IRGM: variants seen among roughly 807,000 people sequenced by gnomAD.
The protein encoded by IRGM is immunity related GTPase M, also known as immunity-related GTPase family M protein.
For missense variants in IRGM, 288 were observed against 219.9 expected (o/e 1.31, Z -1.96); for synonymous variants, 98 against 80.6 (o/e 1.22, Z -1.16).
In IRGM at chr5:150,848,377, A is replaced by G. The variant is rs999847831; in HGVS notation, c.254A>G (p.Asn85Ser). ...TCCTATTTCTCTTCCCACTTTTCAA[A>G]TGTGGTGTTGTGGGACCTGCCTGGC... ...CASYFSSHFS[N>S]VVLWDLPGTG... Residue 85 changes from asparagine (N) to serine (S), a missense_variant, in exon 2 of 2, where the codon AAT (asparagine) becomes AGT (serine). Asn to Ser is a conservative substitution (Grantham distance 46). Coordinates refer to ENST00000522154, the MANE Select transcript of IRGM (RefSeq NM_001145805.2). The G allele has an allele frequency of 1.3e-6, 2 of 1,551,792 alleles. No individual in the cohort carries two copies. Among genetic ancestry groups the G allele is most frequent in the East Asian group, 2.4e-5 (1 of 41,060 alleles).
At chr5:150,897,801 A>G (rs1754847050) in intron 3 of IRGM, 1 of 411,750 alleles carries the variant, frequency 2.4e-6, no homozygotes, top group Non-Finnish European at 4.3e-6. Flanking sequence ...TTTAAAGCAC[A>G]GCTTGTGTTC....
chr5:150,902,270 G>T (rs1255749431), downstream of IRGM, among the ~76,000 whole-genome samples: 1 of 152,164 alleles, frequency 6.6e-6, no homozygotes, highest in Non-Finnish European at 1.5e-5. Flanking sequence ...TGAAAGCACA[G>T]CAAAAGATAT....
At chr5:150,860,678 C>T (rs1052392914) in intron 1 of IRGM, among the ~76,000 whole-genome samples, 7 of 152,192 alleles carry the variant, frequency 4.6e-5, no homozygotes, top group Non-Finnish European at 8.8e-5. Context: ...TGTGCTGCTC[C>T]CCAGGCTGTG....
At chr5:150,881,590 A>G (rs891764573) in intron 3 of IRGM, among the ~76,000 whole-genome samples, 2 of 152,200 alleles carry the variant, frequency 1.3e-5, no homozygotes, top group Non-Finnish European at 2.9e-5. Context: ...CCCTAATACT[A>G]TCATGGTGGT....
chr5:150,887,146 T>C (rs1253489191), intron 3 of IRGM, among the ~76,000 whole-genome samples: 1 of 151,896 alleles, frequency 6.6e-6, no homozygotes, highest in Non-Finnish European at 1.5e-5. Context: ...ACAAAGATCA[T>C]GAAGATTCAG....
chr5:150,897,903 A>C, intron 3 of IRGM: 1 of 772,576 alleles, frequency 1.3e-6, no homozygotes, highest in Non-Finnish European at 2.0e-6. Context: ...AGACAGGATC[A>C]ACAACAAATA....
intron 1 of IRGM, among the ~76,000 whole-genome samples, chr5:150,856,875 A>G (rs1266595432): frequency 1.4e-5 from 2 of 146,174 alleles, no homozygotes; most frequent in African/African-American, 5.0e-5. Context: ...TTAATTATTA[A>G]TTAATATTAT....
At chr5:150,892,482 T>G (rs1754625458) in intron 3 of IRGM, among the ~76,000 whole-genome samples, 2 of 152,154 alleles carry the variant, frequency 1.3e-5, no homozygotes. Flanking sequence ...AGTTTTGAGA[T>G]CTTCTACATA....
rs184591803 is a variant in IRGM at position 150,890,616 on chromosome 5, A to T, written c.*141-9973A>T. 3.3e-5 allele frequency among the ~76,000 whole-genome samples: 5 copies of T among 152,134 alleles called. No individual in the cohort carries two copies. In the East Asian group the frequency reaches 9.7e-4, roughly 29 times the overall value. ...TTAGCACTTTAAATTTCTCTTTAAG[A>T]ACTACTTTACGGACATTTCACAAAT... On this transcript the variant is annotated intron_variant and NMD_transcript_variant, in intron 3 of 3. Coordinates refer to the IRGM transcript ENST00000520549.
Position 150,846,668 on chromosome 5 carries a change from A to G in IRGM, c.-968A>G, listed in dbSNP as rs34156253. The stretch of plus-strand genomic sequence containing the variant: ...GAAGGTCTGCAGCATCACTCCTGAA[A>G]CCTGTGAAACAACGAACCCCCCGGG... On this transcript the variant is annotated 5_prime_UTR_variant, in exon 1 of 2. Coordinates refer to ENST00000522154, the MANE Select transcript of IRGM (RefSeq NM_001145805.2). The G allele has an allele frequency of 0.21, 31,193 of 151,786 alleles. 5,184 individuals are homozygous for G. The highest frequency in any genetic ancestry group is 0.44 in the African/African-American group (18,177 of 41,224). 9.4% of individuals were successfully genotyped at this position (151,786 alleles called of 1,614,324 possible).
chr5:150,848,196 A>C lies in IRGM; in HGVS notation c.73A>C (p.Thr25Pro), dbSNP rs1438074567. 1.4e-5 allele frequency: 22 copies of C among 1,551,694 alleles called. No individual in the cohort carries two copies. The highest frequency in any genetic ancestry group is 8.7e-7 in the Non-Finnish European group (1 of 1,146,910). The change falls in exon 2 of 2, where the codon ACT becomes CCT. Residue 25 changes from threonine (T) to proline (P), a missense_variant. Thr to Pro is a conservative substitution (Grantham distance 38). Transcript: ENST00000522154. Reference protein sequence around the residue: ...LPEVISNIKETLKIVSRTPVN... With the variant: ...LPEVISNIKEPLKIVSRTPVN... The stretch of plus-strand genomic sequence containing the variant: ...AGAGGTGATCTCTAACATCAAGGAG[A>C]CTCTGAAGATAGTGTCCAGGACACC...
At chr5:150,873,024 T>C (rs1045517553) in intron 1 of IRGM, among the ~76,000 whole-genome samples, 2 of 152,148 alleles carry the variant, frequency 1.3e-5, no homozygotes, top group African/African-American at 2.4e-5. Flanking sequence ...AAAATTTAAA[T>C]GCAATGGGAA....
chr5:150,887,967 T>C (rs1754551341), intron 3 of IRGM, among the ~76,000 whole-genome samples: 1 of 151,954 alleles, frequency 6.6e-6, no homozygotes. Flanking sequence ...TGAATGTAAA[T>C]GGGCTAAGTG....
chr5:150,881,260 C>A (rs2113288258), intron 3 of IRGM, among the ~76,000 whole-genome samples: 2 of 151,784 alleles, frequency 1.3e-5, no homozygotes, highest in South Asian at 4.2e-4. Flanking sequence ...ATTTTGAAAG[C>A]AAGAGAAAAG....
rs578230029 is a variant in IRGM, at chr5:150,886,925, T to A, written c.*140+7279T>A. ...TCCTTCAGTTCAGCTCTGATTTTGG[T>A]TATTTCTTGTCTTTTGATAGCTTTG... On this transcript the variant is annotated intron_variant and NMD_transcript_variant, in intron 3 of 3. Transcript: ENST00000520549. Among the ~76,000 whole-genome samples the A allele has an allele frequency of 7.9e-5, 12 of 152,196 alleles. No individual in the cohort carries two copies. The South Asian group carries it at 1.7e-3, about 21-fold the overall frequency.
At chr5:150,867,018 CT>C (rs1379121299) in intron 1 of IRGM, among the ~76,000 whole-genome samples, 1 of 152,104 alleles carries the variant, frequency 6.6e-6, no homozygotes, top group Non-Finnish European at 1.5e-5. Flanking sequence ...ATCTTTTTCT[CT>C]CTTTTTTAAA....
Position 150,859,682 on chromosome 5 carries a change from C to G in IRGM, c.158+11028C>G, listed in dbSNP as rs562245966. 3.9e-3 allele frequency among the ~76,000 whole-genome samples: 593 copies of G among 152,224 alleles called. 7 individuals are homozygous for G. Among genetic ancestry groups the G allele is most frequent in the African/African-American group, 0.014 (561 of 41,508 alleles). On this transcript the variant is annotated intron_variant and NMD_transcript_variant, in intron 1 of 3. Coordinates refer to the IRGM transcript ENST00000520549. ...AGGATGTATGTGTCCAGGAATTTAT[C>G]CATTTCTTCTAGATTTTCTAGTTTA...
At chr5:150,860,240 A>G (rs562498147) in intron 1 of IRGM, among the ~76,000 whole-genome samples, 2 of 152,374 alleles carry the variant, frequency 1.3e-5, no homozygotes, top group South Asian at 4.1e-4. Context: ...TTTATGATAC[A>G]GTGTAAAACA....
At chr5:150,896,327 T>C in intron 3 of IRGM, 4 of 1,613,642 alleles carry the variant, frequency 2.5e-6, no homozygotes, top group Non-Finnish European at 3.4e-6. Flanking sequence ...CACTGAAGGC[T>C]TTTCCGCATG....
Sources: gnomAD v4.1 joint callset for allele counts (sites outside exome capture counted in the v4.1 genomes callset) on GRCh38, gnomAD v4.1.1 for gene constraint, MANE v1.5 for transcripts, NCBI Gene and HGNC (gene_info 2026-07-23, HGNC 2026-07-21) for gene names.